Variants in LRRC7 observed in about 807,000 individuals in gnomAD.
LRRC7 encodes the protein leucine rich repeat containing 7.
LRRC7 carries 23 observed loss-of-function variants against 175.7 expected under a neutral mutation model. The observed-to-expected ratio is 0.13, with a 90% CI of 0.09 to 0.19. The LOEUF is 0.19. LRRC7 is among the 10% of genes least tolerant of loss of function. The pLI is 1.00. For synonymous variants in LRRC7, 685 were observed against 680.9 expected (o/e 1.01, Z -0.09); for missense variants, 1,354 against 1,904.7 (o/e 0.71, Z 5.38).
chr1:69,600,796 G>GTTTTT (rs777096787), intron 1 of LRRC7, among the ~76,000 whole-genome samples: 1 of 26,356 alleles, frequency 3.8e-5, no homozygotes. Context: ...AGGATCTCTG[G>GTTTTT]TTTCTTTTTT....
In LRRC7 at chr1:69,865,469, CTTTTTTTTTTTT is replaced by C. The variant is rs532063540; in HGVS notation, c.647+27200_647+27211del. Among the ~76,000 whole-genome samples, 32 of 51,270 alleles carry C rather than the reference CTTTTTTTTTTTT, an allele frequency of 6.2e-4. 1 individual carries two copies. Among genetic ancestry groups the C allele is most frequent in the East Asian group, 3.8e-3 (8 of 2,078 alleles). 33.6% of individuals were successfully genotyped at this position (51,270 alleles called of 152,430 possible). A position where few individuals can be genotyped will look rare whatever the true frequency, so the allele number is the denominator to read the frequency against. On this transcript the variant is annotated intron_variant, in intron 7 of 26. Transcript: ENST00000651989. ...ATAAGCAAGCTGCTGAAGACAGTTC[CTTTTTTTTTTTT>C]TTTTTTTTTTTTTGAAACGGAGTCC... is the stretch of plus-strand genomic sequence containing the variant.
chr1:69,802,897 T>C (rs1180097509), intron 4 of LRRC7, among the ~76,000 whole-genome samples: 1 of 151,440 alleles, frequency 6.6e-6, no homozygotes, highest in Non-Finnish European at 1.5e-5. Flanking sequence ...TGTTTTCTTC[T>C]AAAACTGTTT....
chr1:69,919,702 CA>C, intron 7 of LRRC7: 1 of 992,244 alleles, frequency 1.0e-6, no homozygotes, highest in Non-Finnish European at 1.6e-6. Context: ...CGGCCAAGGC[CA>C]GGGGAGACCT....
intron 24 of LRRC7, among the ~76,000 whole-genome samples, chr1:70,077,755 A>T (rs1662891112): frequency 6.6e-6 from 1 of 152,242 alleles, no homozygotes; most frequent in Admixed American, 6.5e-5. Flanking sequence ...TAAGAGGATT[A>T]CTAAGTTTTA....
At chr1:69,800,206 A>C (rs993925776) in intron 4 of LRRC7, among the ~76,000 whole-genome samples, 1 of 151,900 alleles carries the variant, frequency 6.6e-6, no homozygotes, top group Non-Finnish European at 1.5e-5. Flanking sequence ...TTCTGCTCAG[A>C]AATGTTTTGA....
chr1:69,825,535 T>C (rs559366438), intron 4 of LRRC7, among the ~76,000 whole-genome samples: 1 of 152,100 alleles, frequency 6.6e-6, no homozygotes, highest in African/African-American at 2.4e-5. Flanking sequence ...TATAAAATAT[T>C]ATTTAACATT....
chr1:69,909,775 C>A (rs1646462108), intron 7 of LRRC7, among the ~76,000 whole-genome samples: 1 of 152,062 alleles, frequency 6.6e-6, no homozygotes. Flanking sequence ...CGGGGAGTAT[C>A]TTTGTGGTGT....
chr1:69,589,928 TCTGA>T (rs34798633), intron 1 of LRRC7, among the ~76,000 whole-genome samples: 22,959 of 152,082 alleles, frequency 0.15, 1,890 homozygotes, highest in Admixed American at 0.19. Context: ...TGTTTGGCTT[TCTGA>T]CTATTATGTC....
At chr1:69,859,325 A>G (rs1245205219) in intron 7 of LRRC7, among the ~76,000 whole-genome samples, 1 of 152,148 alleles carries the variant, frequency 6.6e-6, no homozygotes, top group Non-Finnish European at 1.5e-5. Flanking sequence ...TGAAGACAGT[A>G]AGTACATGCA....
At chr1:69,970,111 C>G (rs1232372774) in intron 8 of LRRC7, among the ~76,000 whole-genome samples, 3 of 152,034 alleles carry the variant, frequency 2.0e-5, no homozygotes, top group African/African-American at 4.8e-5. Flanking sequence ...CTATCAAAAC[C>G]TCTGGCATAC....
At chr1:69,633,443 T>A (rs931445039) in intron 1 of LRRC7, among the ~76,000 whole-genome samples, 10 of 152,110 alleles carry the variant, frequency 6.6e-5, no homozygotes, top group Non-Finnish European at 1.0e-4. Flanking sequence ...TTTATTTAAT[T>A]TTTGAGACAA....
chr1:69,652,003 A>G (rs902048714), intron 1 of LRRC7, among the ~76,000 whole-genome samples: 1 of 152,058 alleles, frequency 6.6e-6, no homozygotes, highest in African/African-American at 2.4e-5. Context: ...GGAGGAAAGG[A>G]GAGGAGTGGA....
chr1:69,888,798 G>A (rs951510343), intron 7 of LRRC7, among the ~76,000 whole-genome samples: 1 of 152,058 alleles, frequency 6.6e-6, no homozygotes, highest in Non-Finnish European at 1.5e-5. Context: ...GGGAGATGTA[G>A]CCCAAAGGAG....
At chr1:69,610,251 T>A (rs1648489160) in intron 1 of LRRC7, among the ~76,000 whole-genome samples, 1 of 152,088 alleles carries the variant, frequency 6.6e-6, no homozygotes, top group Non-Finnish European at 1.5e-5. Context: ...AACCTGTTCC[T>A]TTTTCCCTCC....
intron 7 of LRRC7, among the ~76,000 whole-genome samples, chr1:69,879,358 G>A (rs1295270739): frequency 1.3e-5 from 2 of 152,084 alleles, no homozygotes; most frequent in Non-Finnish European, 2.9e-5. Flanking sequence ...TGTCATGACT[G>A]GCCTCAGGCC....
At chr1:69,674,789 T>C (rs1441395420) in intron 1 of LRRC7, among the ~76,000 whole-genome samples, 5 of 152,064 alleles carry the variant, frequency 3.3e-5, no homozygotes, top group Admixed American at 1.3e-4. Context: ...TCTAAGCTAA[T>C]TTTTTTTCCT....
At chr1:70,015,294 A>G (rs1002708693) in intron 13 of LRRC7, among the ~76,000 whole-genome samples, 2 of 152,002 alleles carry the variant, frequency 1.3e-5, no homozygotes, top group African/African-American at 4.8e-5. Context: ...TAATATTTCT[A>G]TTGCCTTTCA....
chr1:69,836,879 C>CAA (rs200623992), intron 6 of LRRC7, among the ~76,000 whole-genome samples: 3 of 122,670 alleles, frequency 2.4e-5, no homozygotes, highest in African/African-American at 9.1e-5. Context: ...TGATAGGAGG[C>CAA]AAAAAAAAAA....
At chr1:69,650,539 C>CAAAAAAACAAAAAAAAAAAAAAA (rs1655666312) in intron 1 of LRRC7, among the ~76,000 whole-genome samples, 1 of 79,220 alleles carries the variant, frequency 1.3e-5, no homozygotes, top group East Asian at 5.3e-4. Context: ...GACTCCGTCT[C>CAAAAAAACAAAAAAAAAAAAAAA]AAAAAAAAAA....
Sources: gnomAD v4.1 joint callset for allele counts (sites outside exome capture counted in the v4.1 genomes callset) on GRCh38, gnomAD v4.1.1 for gene constraint, MANE v1.5 for transcripts, NCBI Gene and HGNC (gene_info 2026-07-23, HGNC 2026-07-21) for gene names.